ZNF337: variants seen among roughly 807,000 people sequenced by gnomAD.
ZNF337 encodes zinc finger protein 337.
ZNF337 carries 8 observed loss-of-function variants against 12.1 expected under a neutral mutation model. The observed-to-expected ratio is 0.66, with a 90% CI of 0.39 to 1.19. ZNF337 has a LOEUF of 1.19. Ranked by LOEUF, ZNF337 falls within the 50% of genes most tolerant of loss-of-function variation. The pLI is 0.01. For missense variants in ZNF337, 882 were observed against 896.6 expected (o/e 0.98, Z 0.21); for synonymous variants, 336 against 320.0 (o/e 1.05, Z -0.53).
At chr20:25,679,486 A>G (rs1345879676) in intron 4 of ZNF337, among the ~76,000 whole-genome samples, 1 of 152,140 alleles carries the variant, frequency 6.6e-6, no homozygotes, top group Non-Finnish European at 1.5e-5. Flanking sequence ...AAAAAATCCA[A>G]CTAAAAAGTG....
At position 25,675,718 on chromosome 20, in the gene ZNF337, C is replaced by G; in HGVS notation, c.1570G>C (p.Gly524Arg). ...KRFFCRDCGR[G>R]FTLKPNLTIH... ...GTGAGATTTGGCTTCAAGGTAAAGC[C>G]TCGCCCACAATCCCTGCAGAAAAAA... The change falls in exon 5 of 5, where the codon GGC (glycine) becomes CGC (arginine). Residue 524 changes from glycine (G) to arginine (R), a missense_variant. Coordinates refer to ENST00000252979, the MANE Select transcript of ZNF337 (RefSeq NM_015655.4). 6.2e-7 allele frequency: 1 copy of G among 1,613,700 alleles called. No homozygotes were observed. Among genetic ancestry groups the G allele is most frequent in the Non-Finnish European group, 8.5e-7 (1 of 1,179,934 alleles).
chr20:25,685,741 G>A, intron 3 of ZNF337, 79 bp from the exon 4 acceptor site: 1 of 1,328,158 alleles, frequency 7.5e-7, no homozygotes, highest in African/African-American at 1.4e-5. Context: ...ACCCAGGGCA[G>A]GAAGGGAGGG....
chr20:25,677,054 C>A lies in ZNF337; in HGVS notation c.251-17G>T, dbSNP rs1170150912. The stretch of plus-strand genomic sequence containing the variant: ...CATATATTCCTGGAGAATAGACCAA[C>A]AATGAGACTGAATCAGTAACGAAAA... On this transcript the variant is annotated splice_polypyrimidine_tract_variant and intron_variant, in intron 4 of 4. Transcript: ENST00000252979. The A allele has an allele frequency of 1.9e-6, 3 of 1,556,164 alleles. No homozygotes were observed. The highest frequency in any genetic ancestry group is 2.6e-6 in the Non-Finnish European group (3 of 1,153,718).
chr20:25,685,299 C>T (rs1335277375), intron 4 of ZNF337, among the ~76,000 whole-genome samples: 3 of 152,152 alleles, frequency 2.0e-5, no homozygotes, highest in Non-Finnish European at 2.9e-5. Context: ...TGCAGTCGGG[C>T]AGTCACGAGG....
At chr20:25,691,491 T>C (rs1291457821) in intron 1 of ZNF337, among the ~76,000 whole-genome samples, 2 of 152,168 alleles carry the variant, frequency 1.3e-5, no homozygotes, top group East Asian at 3.9e-4. Context: ...ACTTCTCAAC[T>C]ATACTTACAT....
chr20:25,678,518 A>G (rs1397096877), intron 4 of ZNF337, among the ~76,000 whole-genome samples: 1 of 152,216 alleles, frequency 6.6e-6, no homozygotes, highest in African/African-American at 2.4e-5. Flanking sequence ...AAATACTCCT[A>G]GAATTCATAA....
At chr20:25,686,790 A>G (rs1600446694) in intron 1 of ZNF337, 1 of 178,082 alleles carries the variant, frequency 5.6e-6, no homozygotes. Flanking sequence ...CACTGGACAG[A>G]ATACACAAGA....
rs1032942709 is a variant in ZNF337, at chr20:25,682,790, G to A, written c.250+2777C>T. Among the ~76,000 whole-genome samples the A allele has an allele frequency of 5.3e-5, 8 of 151,724 alleles. No individual in the cohort carries two copies. In the East Asian group the frequency reaches 5.8e-4, roughly 11 times the overall value. ...GTGGAGGTTCCAAGGAGCCAAGATC[G>A]CGCCATTGCACTCCAGCCTGGGCTA... On this transcript the variant is annotated intron_variant, in intron 4 of 4. Transcript: ENST00000252979.
intron 4 of ZNF337, among the ~76,000 whole-genome samples, chr20:25,683,387 G>A (rs539888605): frequency 3.2e-4 from 49 of 152,108 alleles, no homozygotes; most frequent in African/African-American, 1.1e-3. Flanking sequence ...AAGGTGAAGT[G>A]ACCTCTGGCA....
At chr20:25,691,638 G>T (rs2065882987) in intron 1 of ZNF337, among the ~76,000 whole-genome samples, 1 of 152,172 alleles carries the variant, frequency 6.6e-6, no homozygotes, top group Non-Finnish European at 1.5e-5. Context: ...GATTTTCACA[G>T]CCCACAGTGG....
chr20:25,690,504 A>G (rs544535198), intron 1 of ZNF337, among the ~76,000 whole-genome samples: 1 of 152,232 alleles, frequency 6.6e-6, no homozygotes, highest in African/African-American at 2.4e-5. Context: ...AGCACAGTAG[A>G]CCTTTCTTAC....
At chr20:25,692,745 G>A (rs569636187) in intron 1 of ZNF337, among the ~76,000 whole-genome samples, 2 of 152,204 alleles carry the variant, frequency 1.3e-5, no homozygotes, top group East Asian at 1.9e-4. Flanking sequence ...ACTGAGAGCC[G>A]TAAGAAAGTG....
intron 4 of ZNF337, chr20:25,677,490 C>T (rs1378846604): frequency 6.5e-6 from 1 of 153,804 alleles, no homozygotes; most frequent in South Asian, 2.1e-4. Context: ...ATCATCTCAA[C>T]AGATACAGAA....
At chr20:25,693,879 A>T (rs947120766) in intron 1 of ZNF337, among the ~76,000 whole-genome samples, 3 of 152,168 alleles carry the variant, frequency 2.0e-5, no homozygotes, top group Admixed American at 6.5e-5. Flanking sequence ...CTGGGGACTA[A>T]AATGGCTCTA....
At chr20:25,693,404 G>A (rs932449409) in intron 1 of ZNF337, among the ~76,000 whole-genome samples, 3 of 152,178 alleles carry the variant, frequency 2.0e-5, no homozygotes, top group African/African-American at 7.2e-5. Flanking sequence ...TGATTAACAC[G>A]CCACTTCTTA....
At chr20:25,686,539 C>T (rs940323751) in intron 1 of ZNF337, 73 bp from the exon 2 acceptor site, 19 of 1,164,056 alleles carry the variant, frequency 1.6e-5, no homozygotes, top group Non-Finnish European at 2.2e-5. Flanking sequence ...GGTGTGATTC[C>T]AATACCAACT....
At chr20:25,689,020 C>G (rs1217985163) in intron 1 of ZNF337, among the ~76,000 whole-genome samples, 2 of 152,030 alleles carry the variant, frequency 1.3e-5, no homozygotes, top group Non-Finnish European at 2.9e-5. Context: ...GCCTGTAGTC[C>G]CAGCTACTCG....
At chr20:25,689,498 G>A (rs775329508) in intron 1 of ZNF337, among the ~76,000 whole-genome samples, 1 of 152,174 alleles carries the variant, frequency 6.6e-6, no homozygotes, top group Non-Finnish European at 1.5e-5. Flanking sequence ...GGGCACATGA[G>A]AACTCTTGTT....
intron 1 of ZNF337, 114 bp downstream of exon 1, chr20:25,696,645 G>A (rs1393371851): frequency 1.2e-5 from 9 of 747,504 alleles, no homozygotes; most frequent in Non-Finnish European, 1.5e-5. Flanking sequence ...CGCCGGGCCT[G>A]GAGGAGCGCG....
Sources: gnomAD v4.1 joint callset for allele counts (sites outside exome capture counted in the v4.1 genomes callset) on GRCh38, gnomAD v4.1.1 for gene constraint, MANE v1.5 for transcripts, NCBI Gene and HGNC (gene_info 2026-07-23, HGNC 2026-07-21) for gene names.